Variants in ZNF606 observed in about 807,000 individuals in gnomAD.
ZNF606 encodes zinc finger protein 606.
ZNF606 carries 37 observed loss-of-function variants against 74.9 expected under a neutral mutation model. The ratio of observed to expected loss-of-function variants is 0.49; its 90% CI spans 0.38 to 0.65. ZNF606 has a LOEUF of 0.65. ZNF606 is among the 30% of genes least tolerant of loss of function. The probability of loss-of-function intolerance (pLI) is 0.00; values close to 1 mark genes in which losing one functional copy is unlikely to be tolerated. For synonymous variants in ZNF606, 328 were observed against 312.4 expected, an observed-to-expected ratio of 1.05 and a Z score of -0.53; for missense variants, 852 against 952.9, an observed-to-expected ratio of 0.89 and a Z score of 1.39.
chr19:58,001,449 C>A, intron 1 of ZNF606, 79 bp from the exon 2 acceptor site: 1 of 1,149,892 alleles, frequency 8.7e-7, no homozygotes, highest in African/African-American at 1.5e-5. Flanking sequence ...GGAATCCATC[C>A]ACCGAAGCAA....
intron 4 of ZNF606, chr19:57,997,476 T>C (rs915857731): frequency 3.9e-5 from 6 of 152,228 alleles, no homozygotes; most frequent in African/African-American, 1.2e-4. Flanking sequence ...TTCTTTTGCA[T>C]TCCTGAAGAT....
intron 6 of ZNF606, among the ~76,000 whole-genome samples, chr19:57,984,272 G>T (rs557535708): frequency 1.3e-5 from 2 of 152,200 alleles, no homozygotes; most frequent in African/African-American, 4.8e-5. Flanking sequence ...TGGTTCTATC[G>T]GCTGTGATCA....
intron 1 of ZNF606, 54 bp from the exon 2 acceptor site, chr19:58,001,424 G>GT: frequency 7.0e-7 from 1 of 1,424,868 alleles, no homozygotes; most frequent in Non-Finnish European, 9.8e-7. Flanking sequence ...AGAAGACCAA[G>GT]TGGGAACAAA....
intron 6 of ZNF606, among the ~76,000 whole-genome samples, chr19:57,983,040 T>C (rs1207184707): frequency 4.6e-5 from 7 of 152,216 alleles, no homozygotes; most frequent in African/African-American, 1.2e-4. Flanking sequence ...ATTATCTTCA[T>C]ATAGATTTTT....
intron 6 of ZNF606, among the ~76,000 whole-genome samples, chr19:57,986,918 T>C (rs1210867721): frequency 6.6e-6 from 1 of 152,032 alleles, no homozygotes; most frequent in Non-Finnish European, 1.5e-5. Context: ...ACCTTGTCTC[T>C]ACAAAAAAAA....
chr19:58,001,431 C>T (rs925757241), intron 1 of ZNF606, 61 bp from the exon 2 acceptor site: 1 of 1,341,972 alleles, frequency 7.5e-7, no homozygotes, highest in Non-Finnish European at 1.1e-6. Context: ...CAAGTGGGAA[C>T]AAAGAAGGGA....
Position 57,978,138 on chromosome 19 carries a change from T to C in ZNF606, c.*163A>G. On this transcript the variant is annotated 3_prime_UTR_variant, in exon 7 of 7. Transcript: ENST00000551380. This position sits in a 1 kb window ranked among gnomAD's most constrained non-coding sequence, Gnocchi z 4.4. ...AATAACTGCTGAAAGCTTTTCCCTA[T>C]TCTTTTCCTTCATGGGGTTTCTTCT... 1 of 688,916 alleles carries C rather than the reference T, an allele frequency of 1.5e-6. No individual in the cohort carries two copies. Among genetic ancestry groups the C allele is most frequent in the Non-Finnish European group, 2.2e-6 (1 of 449,942 alleles). The allele number at this position is 688,916 out of a possible 1,614,324, so 42.7% of individuals were successfully genotyped here.
intron 1 of ZNF606, chr19:58,001,974 G>T (rs762539741): frequency 4.8e-5 from 17 of 352,826 alleles, no homozygotes; most frequent in Non-Finnish European, 8.4e-5. Flanking sequence ...TGGGCCTGGC[G>T]CCCAGACCCC....
intron 6 of ZNF606, among the ~76,000 whole-genome samples, chr19:57,981,908 T>C (rs1320389359): frequency 6.6e-6 from 1 of 152,218 alleles, no homozygotes; most frequent in Non-Finnish European, 1.5e-5. Context: ...TTAGAGAGCT[T>C]TTCTGATGAC....
rs749762446 is a variant in ZNF606, at chr19:58,002,458, G to A, written c.-114C>T. The A allele has an allele frequency of 8.8e-6, 4 of 454,896 alleles. No individual in the cohort carries two copies. Among genetic ancestry groups the A allele is most frequent in the Non-Finnish European group, 1.3e-5 (3 of 226,082 alleles). 28.2% of individuals were successfully genotyped at this position (454,896 alleles called of 1,614,324 possible). A position where few individuals can be genotyped will look rare whatever the true frequency, so the allele number is the denominator to read the frequency against. ...AGCAGGATCGGGGTCTGCCCGCCTGGGGCGTTTGGCTTTTGTCCCGCGCCG... is the reference window on the plus strand; with the variant it reads ...AGCAGGATCGGGGTCTGCCCGCCTGAGGCGTTTGGCTTTTGTCCCGCGCCG... On this transcript the variant is annotated 5_prime_UTR_variant, in exon 1 of 7. Transcript: ENST00000551380.
chr19:57,996,630 G>C (rs2073345264), intron 4 of ZNF606, among the ~76,000 whole-genome samples: 2 of 152,216 alleles, frequency 1.3e-5, no homozygotes, highest in South Asian at 2.1e-4. Flanking sequence ...AGTCTCACAG[G>C]CTGTGGAGAT....
chr19:57,987,179 C>A (rs1158523595), intron 6 of ZNF606, among the ~76,000 whole-genome samples: 1 of 152,102 alleles, frequency 6.6e-6, no homozygotes, highest in African/African-American at 2.4e-5. Flanking sequence ...TGTGTGTATG[C>A]CTCTGTGTAT....
intron 4 of ZNF606, among the ~76,000 whole-genome samples, chr19:57,989,138 TA>T (rs2123302726): frequency 6.6e-6 from 1 of 152,232 alleles, no homozygotes; most frequent in South Asian, 2.1e-4. Flanking sequence ...GACACCCAGA[TA>T]AAGGACCTGA....
At chr19:57,999,760 G>C (rs774274426) in intron 4 of ZNF606, 48 bp downstream of exon 4, 1 of 1,578,586 alleles carries the variant, frequency 6.3e-7, no homozygotes, top group Admixed American at 1.7e-5. Context: ...GGGATGACCA[G>C]GGATAACCTG....
intron 2 of ZNF606, 122 bp from the exon 3 acceptor site, chr19:58,000,861 G>A (rs1600230245): frequency 4.6e-6 from 4 of 873,390 alleles, no homozygotes; most frequent in East Asian, 5.4e-5. Flanking sequence ...GCCCAAGGGT[G>A]TGTAAAAAAA....
rs373067388 is a variant in ZNF606 at position 57,980,030 on chromosome 19, G to T, written c.650C>A (p.Ala217Glu). ...QRSSEFCGLG[A>E]EFSQNLNFVP... ...AAAGTTTAAGTTCTGGCTAAACTCT[G>T]CCCCAAGTCCACAGAATTCAGAGCT... The change falls in exon 7 of 7, where the codon GCA (alanine) becomes GAA (glutamate). Residue 217 changes from alanine to glutamate, a missense_variant. Ala to Glu is a moderately radical substitution (Grantham distance 107, BLOSUM62 -1). Transcript: ENST00000551380. The T allele has an allele frequency of 1.1e-5, 17 of 1,613,362 alleles. No individual in the cohort carries two copies. The African/African-American group carries it at 2.0e-4, about 19-fold the overall frequency.
chr19:57,997,044 G>C (rs1455159524), intron 4 of ZNF606, among the ~76,000 whole-genome samples: 1 of 152,210 alleles, frequency 6.6e-6, no homozygotes, highest in African/African-American at 2.4e-5. Context: ...GGAACCTGGG[G>C]CAATTCAGAT....
rs745996689 is a variant in ZNF606 at position 58,002,787 on chromosome 19, G to A, written c.-443C>T. On this transcript the variant is annotated 5_prime_UTR_variant, in exon 1 of 7. Transcript: ENST00000551380. The stretch of plus-strand genomic sequence containing the variant: ...CCTGAGCAAAGGCCTCACCTCAGCC[G>A]CGGACAATGGCGGCTGCTTCCCCGG... 1 of 452,426 alleles carries A rather than the reference G, an allele frequency of 2.2e-6. No homozygotes were observed. The highest frequency in any genetic ancestry group is 1.6e-5 in the South Asian group (1 of 64,360). 28.0% of individuals were successfully genotyped at this position (452,426 alleles called of 1,614,324 possible).
intron 1 of ZNF606, among the ~76,000 whole-genome samples, chr19:58,001,872 TTA>T (rs2073436046): frequency 6.6e-6 from 1 of 152,182 alleles, no homozygotes; most frequent in African/African-American, 2.4e-5. Context: ...AAAGTGAACA[TTA>T]TGTTATGCAA....
Sources: gnomAD v4.1 joint callset for allele counts (sites outside exome capture counted in the v4.1 genomes callset) on GRCh38, gnomAD v4.1.1 for gene constraint, Gnocchi (gnomAD v3.1) non-coding constraint, MANE v1.5 for transcripts, NCBI Gene and HGNC (gene_info 2026-07-23, HGNC 2026-07-21) for gene names.